Variants in MAP3K5 observed in about 807,000 individuals in gnomAD.
The protein encoded by MAP3K5 is ASK-1.
A neutral mutation model predicts 158.7 loss-of-function variants in MAP3K5; 56 were observed. The observed-to-expected ratio is 0.35, with a 90% CI of 0.28 to 0.44. The LOEUF is 0.44. Ranked by LOEUF, MAP3K5 falls within the 20% of genes least tolerant of loss-of-function variation. MAP3K5 has a pLI of 1.00. For missense variants in MAP3K5, 1,294 were observed against 1,674.8 expected, an observed-to-expected ratio of 0.77 and a Z score of 3.97; for synonymous variants, 579 against 601.7, an observed-to-expected ratio of 0.96 and a Z score of 0.55.
Position 136,651,079 on chromosome 6 carries a change from C to A in MAP3K5, c.1693G>T (p.Glu565Ter). Reference sequence around the variant, plus strand: ...GAAGGTTGATAGATTTTGGTTGGTTCTAATATTAATACCTTGAAAAGATAC... The same window carrying A: ...GAAGGTTGATAGATTTTGGTTGGTTATAATATTAATACCTTGAAAAGATAC... ...TVVRFPVLIL[E>*]PTKIYQPSYL... The change falls in exon 11 of 30, where the codon GAA (glutamate) becomes TAA (stop). Residue 565 changes from glutamate (E) to a stop codon, truncating the protein, a stop_gained. Transcript: ENST00000359015. LOFTEE classifies it high-confidence loss of function. 6.3e-7 allele frequency: 1 copy of A among 1,583,426 alleles called. No individual in the cohort carries two copies. Among genetic ancestry groups the A allele is most frequent in the South Asian group, 1.1e-5 (1 of 89,568 alleles).
intron 2 of MAP3K5, among the ~76,000 whole-genome samples, chr6:136,706,609 C>T (rs1781087810): frequency 6.6e-6 from 1 of 152,168 alleles, no homozygotes; most frequent in Admixed American, 6.5e-5. Context: ...GTCCATCTGG[C>T]TGAGGCAAGG....
chr6:136,699,517 G>A (rs1780753926), intron 3 of MAP3K5, among the ~76,000 whole-genome samples: 1 of 152,126 alleles, frequency 6.6e-6, no homozygotes, highest in South Asian at 2.1e-4. Flanking sequence ...GCCTGACTAC[G>A]CAGATCCTGC....
chr6:136,653,828 G>A (rs917598976), intron 10 of MAP3K5, among the ~76,000 whole-genome samples: 5 of 152,122 alleles, frequency 3.3e-5, no homozygotes, highest in Non-Finnish European at 5.9e-5. Context: ...AAATGAAGTC[G>A]TTGTAGGAAA....
intron 3 of MAP3K5, among the ~76,000 whole-genome samples, chr6:136,700,259 A>C (rs1467498401): frequency 1.3e-5 from 2 of 152,188 alleles, no homozygotes; most frequent in Non-Finnish European, 2.9e-5. Flanking sequence ...AGATGCACTA[A>C]AGGGAAGAGA....
At chr6:136,663,259 A>G (rs947934673) in intron 8 of MAP3K5, among the ~76,000 whole-genome samples, 4 of 152,232 alleles carry the variant, frequency 2.6e-5, no homozygotes, top group Non-Finnish European at 5.9e-5. Flanking sequence ...AGAATCTCAA[A>G]CATACATCAA....
At chr6:136,632,729 G>A (rs538980600) in intron 14 of MAP3K5, among the ~76,000 whole-genome samples, 173 of 152,078 alleles carry the variant, frequency 1.1e-3, no homozygotes, top group Non-Finnish European at 2.3e-3. Context: ...GGGTTTGGGA[G>A]GGGTTTCTCA....
intron 7 of MAP3K5, among the ~76,000 whole-genome samples, chr6:136,675,199 T>A (rs1779654703): frequency 6.6e-6 from 1 of 151,534 alleles, no homozygotes; most frequent in Non-Finnish European, 1.5e-5. Context: ...CAGAAAAAAA[T>A]GCACAGAACT....
At chr6:136,697,092 G>A in intron 5 of MAP3K5, 127 bp downstream of exon 5, 2 of 623,852 alleles carry the variant, frequency 3.2e-6, no homozygotes, top group Non-Finnish European at 5.2e-6. Flanking sequence ...GAAAGCTTAA[G>A]AGAGTCAATA....
chr6:136,577,755 C>T (rs552475197), intron 25 of MAP3K5, among the ~76,000 whole-genome samples: 5 of 152,174 alleles, frequency 3.3e-5, no homozygotes, highest in Non-Finnish European at 5.9e-5. Flanking sequence ...TTCCTGTATA[C>T]CATCCACACA....
intron 26 of MAP3K5, among the ~76,000 whole-genome samples, chr6:136,565,881 G>T (rs766508711): frequency 1.3e-5 from 2 of 152,176 alleles, no homozygotes; most frequent in Non-Finnish European, 2.9e-5. Context: ...GAAAAACGAG[G>T]CTGATTATCT....
chr6:136,715,634 A>T (rs1344893640), intron 2 of MAP3K5, among the ~76,000 whole-genome samples: 1 of 152,218 alleles, frequency 6.6e-6, no homozygotes. Context: ...GATACTGTAC[A>T]CAAGTAATTT....
chr6:136,598,991 C>T (rs143199309), intron 21 of MAP3K5, among the ~76,000 whole-genome samples: 1,665 of 152,068 alleles, frequency 0.011, 21 homozygotes, highest in Non-Finnish European at 0.015. Context: ...GCCAACATGG[C>T]GAAACCCCGT....
intron 1 of MAP3K5, among the ~76,000 whole-genome samples, chr6:136,753,117 T>C (rs1783296754): frequency 6.6e-6 from 1 of 152,250 alleles, no homozygotes; most frequent in African/African-American, 2.4e-5. Flanking sequence ...TTTATTTATC[T>C]GCCTGTTTAT....
At chr6:136,678,679 AT>A (rs199543484) in intron 7 of MAP3K5, among the ~76,000 whole-genome samples, 9 of 149,916 alleles carry the variant, frequency 6.0e-5, no homozygotes, top group African/African-American at 1.7e-4. Context: ...ACTCCTGTTG[AT>A]TTTTTTTTTA....
At chr6:136,596,958 T>G (rs913551266) in intron 21 of MAP3K5, among the ~76,000 whole-genome samples, 5 of 151,992 alleles carry the variant, frequency 3.3e-5, no homozygotes. Flanking sequence ...TACACGTGAG[T>G]GATTGGGACC....
chr6:136,577,697 T>G (rs761272418), intron 25 of MAP3K5, among the ~76,000 whole-genome samples: 4 of 152,224 alleles, frequency 2.6e-5, no homozygotes, highest in Non-Finnish European at 5.9e-5. Context: ...CTTTCTATTC[T>G]GGAAGAATTT....
chr6:136,746,858 C>G (rs561149129), intron 1 of MAP3K5, among the ~76,000 whole-genome samples: 5 of 152,356 alleles, frequency 3.3e-5, no homozygotes, highest in Non-Finnish European at 5.9e-5. Flanking sequence ...AATTACACTT[C>G]TTGTTAGAAT....
chr6:136,604,265 T>A (rs1240456455), intron 19 of MAP3K5, among the ~76,000 whole-genome samples: 1 of 150,394 alleles, frequency 6.6e-6, no homozygotes, highest in Non-Finnish European at 1.5e-5. Context: ...GAGGTTGCAG[T>A]GAGCCGAGAT....
rs1776414285 is a variant in MAP3K5, at chr6:136,613,112, T to C, written c.2415+8A>G. On this transcript the variant is annotated splice_region_variant and intron_variant, in intron 17 of 29. Transcript: ENST00000359015. The surrounding 1 kb of genome is among the most constrained non-coding windows in gnomAD (Gnocchi z 4.0). ...GAACTCATGAAAATGAATGCTGGTG[T>C]ACCTCACCTTTATGTCCCGGTGAAC... The C allele has an allele frequency of 6.3e-7, 1 of 1,598,850 alleles. No individual in the cohort carries two copies. The highest frequency in any genetic ancestry group is 1.7e-5 in the Admixed American group (1 of 57,616).
Sources: gnomAD v4.1 joint callset for allele counts (sites outside exome capture counted in the v4.1 genomes callset) on GRCh38, gnomAD v4.1.1 for gene constraint, Gnocchi (gnomAD v3.1) non-coding constraint, MANE v1.5 for transcripts, NCBI Gene and HGNC (gene_info 2026-07-23, HGNC 2026-07-21) for gene names.